Variants in KCNQ1 observed in about 807,000 individuals in gnomAD.
KCNQ1 encodes potassium voltage-gated channel subfamily KQT member 1.
KCNQ1 carries 49 observed loss-of-function variants against 72.4 expected under a neutral mutation model. The observed-to-expected ratio is 0.68, with a 90% CI of 0.54 to 0.86. The LOEUF is 0.86. Among genes scored for constraint, KCNQ1 ranks in the 40% least tolerant of loss-of-function variants. The probability of loss-of-function intolerance (pLI) is 0.00; values close to 1 mark genes in which losing one functional copy is unlikely to be tolerated. For synonymous variants in KCNQ1, 450 were observed against 412.6 expected, an observed-to-expected ratio of 1.09 and a Z score of -1.10; for missense variants, 790 against 945.1, an observed-to-expected ratio of 0.84 and a Z score of 2.15.
chr11:2,732,641 C>T (rs368482571), intron 11 of KCNQ1, among the ~76,000 whole-genome samples: 47 of 152,366 alleles, frequency 3.1e-4, no homozygotes, highest in East Asian at 2.3e-3. Context: ...TTTCCGGCCA[C>T]GGGGCAGCAG....
rs116545058 is a variant in KCNQ1 at position 2,627,966 on chromosome 11, G to A, written c.1394-33995G>A. 4,732 of 398,420 alleles carry A rather than the reference G, an allele frequency of 0.012. 108 individuals carry two copies. The highest frequency in any genetic ancestry group is 0.054 in the South Asian group (423 of 7,846). 24.7% of individuals were successfully genotyped at this position (398,420 alleles called of 1,614,324 possible). On this transcript the variant is annotated intron_variant, in intron 10 of 15. Coordinates refer to ENST00000155840, the MANE Select transcript of KCNQ1 (RefSeq NM_000218.3). This position sits in a 1 kb window ranked among gnomAD's most constrained non-coding sequence, Gnocchi z 4.9. ...AGGGTATCACTATGTTTCCTAGGCT[G>A]GTCTCAAACTCCTGTGTTCAAGCTA...
intron 1 of KCNQ1, among the ~76,000 whole-genome samples, chr11:2,517,330 C>T (rs1847304280): frequency 6.6e-6 from 1 of 152,178 alleles, no homozygotes; most frequent in Non-Finnish European, 1.5e-5. Flanking sequence ...GATGGACCTC[C>T]AGGTGGGAAG....
intron 1 of KCNQ1, among the ~76,000 whole-genome samples, chr11:2,518,573 A>G (rs1251506705): frequency 6.6e-6 from 1 of 151,978 alleles, no homozygotes; most frequent in East Asian, 1.9e-4. Flanking sequence ...GTCAGCTGAA[A>G]CCCCAAGAGG....
intron 11 of KCNQ1, chr11:2,675,012 C>T (rs930073139): frequency 2.5e-6 from 1 of 398,522 alleles, no homozygotes; most frequent in Non-Finnish European, 4.4e-6. Context: ...TTCTTCCCGC[C>T]TGACTTCTCT....
Position 2,446,228 on chromosome 11 carries a change from C to T in KCNQ1, c.386+744C>T, listed in dbSNP as rs2133561606. On this transcript the variant is annotated intron_variant, in intron 1 of 15. Coordinates refer to ENST00000155840, the MANE Select transcript of KCNQ1 (RefSeq NM_000218.3). The surrounding 1 kb of genome is among the most constrained non-coding windows in gnomAD (Gnocchi z 8.8). Reference sequence around the variant, plus strand: ...GAGCAGGGCTGGGCACTGGATTTCTCAGGGACAGGCCTGGGAAGTCACCTC... The same window carrying T: ...GAGCAGGGCTGGGCACTGGATTTCTTAGGGACAGGCCTGGGAAGTCACCTC... Among the ~76,000 whole-genome samples the T allele has an allele frequency of 6.6e-6, 1 of 152,286 alleles. No individual in the cohort carries two copies. The highest frequency in any genetic ancestry group is 2.1e-4 in the South Asian group (1 of 4,832).
chr11:2,611,536 C>A lies in KCNQ1; in HGVS notation c.1393+22682C>A. 5.0e-6 allele frequency: 2 copies of A among 398,402 alleles called. No individual in the cohort carries two copies. Among genetic ancestry groups the A allele is most frequent in the South Asian group, 2.6e-4 (2 of 7,686 alleles). The allele number at this position is 398,402 out of a possible 1,614,324, so 24.7% of individuals were successfully genotyped here. A position where few individuals can be genotyped will look rare whatever the true frequency, so the allele number is the denominator to read the frequency against. On this transcript the variant is annotated intron_variant, in intron 10 of 15. Transcript: ENST00000155840. The surrounding 1 kb of genome is among the most constrained non-coding windows in gnomAD (Gnocchi z 5.3). ...CAATTTTGTCTGATTTTAGTACAGT[C>A]ACTCTAGCTTTCTTATTACTGTTTG...
chr11:2,572,068 A>T lies in KCNQ1; in HGVS notation c.739A>T (p.Thr247Ser). Residue 247 changes from threonine to serine, a missense_variant, in exon 5 of 16, where the codon ACC becomes TCC. Physicochemically the swap from Thr to Ser is moderately conservative, Grantham distance 58 (BLOSUM62 1). Around this residue, in one of 5 missense-constraint regions of KCNQ1, gnomAD observed 133 missense variants for 219.5 expected, o/e 0.61. Coordinates refer to ENST00000155840, the MANE Select transcript of KCNQ1 (RefSeq NM_000218.3). ...GCTACACGTCGACCGCCAGGGAGGCACCTGGAGGCTCCTGGGCTCCGTGGT... is the reference window on the plus strand; with the variant it reads ...GCTACACGTCGACCGCCAGGGAGGCTCCTGGAGGCTCCTGGGCTCCGTGGT... ...RMLHVDRQGG[T>S]WRLLGSVVFI... is the part of the protein sequence containing the mutation. The T allele has an allele frequency of 6.2e-7, 1 of 1,612,842 alleles. No homozygotes were observed.
rs534296032 is a variant in KCNQ1, at chr11:2,505,307, G to T, written c.387-22621G>T. On this transcript the variant is annotated intron_variant, in intron 1 of 15. Coordinates refer to ENST00000155840, the MANE Select transcript of KCNQ1 (RefSeq NM_000218.3). ...ATTTTTCCATTTTACTTCTATTATT[G>T]ATTTCTAAGCTTATCCCATTATCGT... Among the ~76,000 whole-genome samples, 5 of 151,986 alleles carry T rather than the reference G, an allele frequency of 3.3e-5. No individual in the cohort carries two copies. In the East Asian group the frequency reaches 9.7e-4, roughly 29 times the overall value.
At chr11:2,583,084 C>T (rs971042361) in intron 6 of KCNQ1, among the ~76,000 whole-genome samples, 21 of 152,288 alleles carry the variant, frequency 1.4e-4, no homozygotes, top group Admixed American at 9.8e-4. Flanking sequence ...ACAGCAACGT[C>T]GGTGGCCCAG....
In KCNQ1 at chr11:2,492,699, C is replaced by T. The variant is rs1247380342; in HGVS notation, c.387-35229C>T. Among the ~76,000 whole-genome samples the T allele has an allele frequency of 1.3e-5, 2 of 152,118 alleles. No individual in the cohort carries two copies. On this transcript the variant is annotated intron_variant, in intron 1 of 15. Coordinates refer to ENST00000155840, the MANE Select transcript of KCNQ1 (RefSeq NM_000218.3). The surrounding 1 kb of genome is among the most constrained non-coding windows in gnomAD (Gnocchi z 4.1). ...ACATGAACTCATTCTTTTTTTATGG[C>T]TGCATATTATTCCATGGTGTATATG...
rs965427945 is a variant in KCNQ1 at position 2,671,848 on chromosome 11, T to C, written c.1514+9767T>C. On this transcript the variant is annotated intron_variant, in intron 11 of 15. Transcript: ENST00000155840. The surrounding 1 kb of genome is among the most constrained non-coding windows in gnomAD (Gnocchi z 4.7). Reference sequence around the variant, plus strand: ...ACTGTGGTTATAGGTCTGAGCCTTCTGCCCCAGGGAGCCAAGCCCTGGAGA... The same window carrying C: ...ACTGTGGTTATAGGTCTGAGCCTTCCGCCCCAGGGAGCCAAGCCCTGGAGA... 2.5e-6 allele frequency: 1 copy of C among 398,604 alleles called. No homozygotes were observed. The highest frequency in any genetic ancestry group is 4.4e-6 in the Non-Finnish European group (1 of 226,122). The allele number at this position is 398,604 out of a possible 1,614,324, so 24.7% of individuals were successfully genotyped here. A position where few individuals can be genotyped will look rare whatever the true frequency, so the allele number is the denominator to read the frequency against.
rs546649748 is a variant in KCNQ1, at chr11:2,717,987, G to A, written c.1515-50857G>A. ...GGCTTCCTTGGTTTCTGAAGGCTGC[G>A]AAAGCTGCGTCTGTCGCAGAAGTGA... On this transcript the variant is annotated intron_variant, in intron 11 of 15. Coordinates refer to ENST00000155840, the MANE Select transcript of KCNQ1 (RefSeq NM_000218.3). Among the ~76,000 whole-genome samples the A allele has an allele frequency of 5.3e-5, 8 of 152,356 alleles. No homozygotes were observed. The South Asian group carries it at 1.0e-3, about 20-fold the overall frequency.
At chr11:2,799,397 T>TGTGTG (rs1554924610) in intron 15 of KCNQ1, among the ~76,000 whole-genome samples, 1 of 151,664 alleles carries the variant, frequency 6.6e-6, no homozygotes, top group Non-Finnish European at 1.5e-5. Flanking sequence ...TGTGTGTGTG[T>TGTGTG]GTGTGGTGTG....
intron 15 of KCNQ1, among the ~76,000 whole-genome samples, chr11:2,788,922 G>A (rs770869171): frequency 9.2e-5 from 14 of 152,272 alleles, no homozygotes; most frequent in African/African-American, 2.6e-4. Flanking sequence ...AGCAAGCTCC[G>A]GGGAGGCTTG....
At chr11:2,572,734 G>A in intron 5 of KCNQ1, 112 bp from the exon 6 acceptor site, 18 of 1,413,698 alleles carry the variant, frequency 1.3e-5, no homozygotes, top group Non-Finnish European at 1.8e-5. Flanking sequence ...GAACCGCGCT[G>A]GAGCGGCGTA....
rs1024917965 is a variant in KCNQ1, at chr11:2,659,960, T to C, written c.1394-2001T>C. Reference sequence around the variant, plus strand: ...TGCAAGTCCTTGACCTGATAGGTGATATGCAAATATTCTTTCCAAGTCTGT... The same window carrying C: ...TGCAAGTCCTTGACCTGATAGGTGACATGCAAATATTCTTTCCAAGTCTGT... On this transcript the variant is annotated intron_variant, in intron 10 of 15. Transcript: ENST00000155840. The surrounding 1 kb of genome is among the most constrained non-coding windows in gnomAD (Gnocchi z 4.3). 2.0e-5 allele frequency: 8 copies of C among 398,354 alleles called. No homozygotes were observed. The highest frequency in any genetic ancestry group is 1.6e-4 in the African/African-American group (8 of 48,646). The allele number at this position is 398,354 out of a possible 1,614,324, so 24.7% of individuals were successfully genotyped here. A position where few individuals can be genotyped will look rare whatever the true frequency, so the allele number is the denominator to read the frequency against.
chr11:2,589,833 G>T (rs1848647961), intron 10 of KCNQ1, among the ~76,000 whole-genome samples: 1 of 152,204 alleles, frequency 6.6e-6, no homozygotes, highest in Non-Finnish European at 1.5e-5. Context: ...GCTGCATCAG[G>T]AGGCACACGT....
chr11:2,569,355 G>A (rs888028987), intron 2 of KCNQ1, among the ~76,000 whole-genome samples: 2 of 152,244 alleles, frequency 1.3e-5, no homozygotes, highest in Non-Finnish European at 2.9e-5. Flanking sequence ...CCAAACACAT[G>A]CCGGATGGTG....
At position 2,698,783 on chromosome 11, in the gene KCNQ1, G is replaced by C. The variant is rs2133901032; in HGVS notation, c.1514+36702G>C. 2.5e-6 allele frequency: 1 copy of C among 398,670 alleles called. No homozygotes were observed. The highest frequency in any genetic ancestry group is 1.3e-4 in the South Asian group (1 of 7,840). 24.7% of individuals were successfully genotyped at this position (398,670 alleles called of 1,614,324 possible). On this transcript the variant is annotated intron_variant, in intron 11 of 15. Transcript: ENST00000155840. This position sits in a 1 kb window ranked among gnomAD's most constrained non-coding sequence, Gnocchi z 5.1. ...GATGCAGACTCCAGACCGGGATTCA[G>C]GTCCCCAACTCAGACTCCCGATCCT... is the stretch of plus-strand genomic sequence containing the variant.
Sources: allele counts gnomAD v4.1 joint callset (sites outside exome capture counted in the v4.1 genomes callset), GRCh38; gene constraint gnomAD v4.1.1; regional missense constraint gnomAD v4.1.1; non-coding constraint Gnocchi (gnomAD v3.1); transcripts MANE v1.5; gene names NCBI Gene and HGNC (gene_info 2026-07-23, HGNC 2026-07-21).